The following INPP4B variants were observed in gnomAD, a reference collection of about 807,000 sequenced individuals.
INPP4B encodes inositol polyphosphate-4-phosphatase type II B.
INPP4B carries 55 observed loss-of-function variants against 122.5 expected under a neutral mutation model. That is an observed-to-expected ratio of 0.45 (90% CI 0.36 to 0.56). The LOEUF (loss-of-function observed/expected upper bound fraction) is 0.56, where lower values mean the gene tolerates loss of function less well. Ranked by LOEUF, INPP4B falls within the 20% of genes least tolerant of loss-of-function variation. INPP4B has a pLI of 0.00. For missense variants in INPP4B, 1,000 were observed against 1,097.7 expected (o/e 0.91, Z 1.26); for synonymous variants, 403 against 388.7 (o/e 1.04, Z -0.43).
In INPP4B at chr4:142,366,736, T is replaced by C. The variant is rs189018650; in HGVS notation, c.372+36202A>G. On this transcript the variant is annotated intron_variant, in intron 7 of 25. Coordinates refer to ENST00000262992, the MANE Select transcript of INPP4B (RefSeq NM_001101669.3). Reference sequence around the variant, plus strand: ...CTAGACCCAGAAATGCAAAAATAAATAAGACATAGTCAATAAGAAAGAAAG... The same window carrying C: ...CTAGACCCAGAAATGCAAAAATAAACAAGACATAGTCAATAAGAAAGAAAG... 3.6e-3 allele frequency among the ~76,000 whole-genome samples: 546 copies of C among 152,162 alleles called. 6 individuals carry two copies. The highest frequency in any genetic ancestry group is 0.013 in the African/African-American group (527 of 41,528).
intron 2 of INPP4B, among the ~76,000 whole-genome samples, chr4:142,696,450 G>A (rs1761039442): frequency 6.6e-6 from 1 of 152,122 alleles, no homozygotes. Context: ...AAACATCAGT[G>A]CAAGGCACTA....
intron 2 of INPP4B, among the ~76,000 whole-genome samples, chr4:142,643,182 G>T (rs905353168): frequency 6.6e-6 from 1 of 151,992 alleles, no homozygotes; most frequent in African/African-American, 2.4e-5. Context: ...AGATGATGGG[G>T]TTTTCTAAAT....
At chr4:142,391,517 G>A (rs944953372) in intron 7 of INPP4B, among the ~76,000 whole-genome samples, 15 of 152,142 alleles carry the variant, frequency 9.9e-5, no homozygotes, top group African/African-American at 2.9e-4. Flanking sequence ...AGCCGAGATC[G>A]TGCCACTGCA....
chr4:142,535,891 C>G (rs1327648226), intron 2 of INPP4B, among the ~76,000 whole-genome samples: 1 of 152,118 alleles, frequency 6.6e-6, no homozygotes, highest in East Asian at 1.9e-4. Flanking sequence ...CTTCAGTTCC[C>G]TCTAGAACAT....
intron 9 of INPP4B, among the ~76,000 whole-genome samples, chr4:142,276,377 T>C (rs1046581291): frequency 2.0e-5 from 3 of 151,916 alleles, no homozygotes; most frequent in African/African-American, 4.8e-5. Context: ...TCAAAGTTTA[T>C]GGACACTCAG....
intron 25 of INPP4B, among the ~76,000 whole-genome samples, chr4:142,078,412 C>A (rs1038943310): frequency 6.6e-6 from 1 of 151,946 alleles, no homozygotes; most frequent in African/African-American, 2.4e-5. Flanking sequence ...TGCACAATAC[C>A]ACCAAATACA....
intron 9 of INPP4B, among the ~76,000 whole-genome samples, chr4:142,279,995 A>G (rs1212159175): frequency 6.6e-6 from 1 of 151,996 alleles, no homozygotes; most frequent in East Asian, 1.9e-4. Flanking sequence ...AGCACATCCA[A>G]AGATGTTGAA....
chr4:142,244,778 G>T (rs1043777495), intron 11 of INPP4B, among the ~76,000 whole-genome samples: 2 of 152,118 alleles, frequency 1.3e-5, no homozygotes, highest in Admixed American at 1.3e-4. Flanking sequence ...GGTATTTCTG[G>T]TTCTAGATCC....
At chr4:142,403,989 G>GA (rs1293205671) in intron 6 of INPP4B, among the ~76,000 whole-genome samples, 1 of 151,820 alleles carries the variant, frequency 6.6e-6, no homozygotes, top group Non-Finnish European at 1.5e-5. Flanking sequence ...TGAAAATTAA[G>GA]AAAAAATCAA....
Position 142,550,002 on chromosome 4 carries a change from C to A in INPP4B, c.-190-87276G>T, listed in dbSNP as rs116059336. 8.4e-3 allele frequency among the ~76,000 whole-genome samples: 1,271 copies of A among 152,200 alleles called. 14 individuals carry two copies. The highest frequency in any genetic ancestry group is 0.027 in the African/African-American group (1,138 of 41,530). On this transcript the variant is annotated intron_variant, in intron 2 of 25. Coordinates refer to ENST00000262992, the MANE Select transcript of INPP4B (RefSeq NM_001101669.3). ...ATTTTAAAAGCCAGGTGCATTTGAG[C>A]CTGTTCTAGCAGGTTGGTGAATTTT...
At chr4:142,652,821 C>G (rs1053325030) in intron 2 of INPP4B, among the ~76,000 whole-genome samples, 1 of 152,182 alleles carries the variant, frequency 6.6e-6, no homozygotes, top group African/African-American at 2.4e-5. Flanking sequence ...CCATCCCCAT[C>G]AAGCTACCAA....
intron 1 of INPP4B, among the ~76,000 whole-genome samples, chr4:142,844,919 C>T (rs1561134207): frequency 6.6e-6 from 1 of 152,174 alleles, no homozygotes; most frequent in Non-Finnish European, 1.5e-5. Flanking sequence ...TAGGCTTTTA[C>T]TTACAGAGCC....
rs114335791 is a variant in INPP4B, at chr4:142,665,535, G to C, written c.-191+60304C>G. ...AGAAAGAAAGAAAGAAAAAGAAAAA[G>C]AAACTTATTCCAAAGAAATAATGAT... On this transcript the variant is annotated intron_variant, in intron 2 of 25. Coordinates refer to ENST00000262992, the MANE Select transcript of INPP4B (RefSeq NM_001101669.3). Among the ~76,000 whole-genome samples, 1,456 of 147,186 alleles carry C rather than the reference G, an allele frequency of 9.9e-3. 21 individuals carry two copies. Among genetic ancestry groups the C allele is most frequent in the African/African-American group, 0.034 (1,392 of 40,356 alleles).
Position 142,069,297 on chromosome 4 carries a change from A to G in INPP4B, c.2642+12734T>C, listed in dbSNP as rs545848675. ...CTTTGAAACCAATGAGAACAAACAC[A>G]CAACATACCAGAATCTCTGGGACAC... On this transcript the variant is annotated intron_variant, in intron 25 of 25. Transcript: ENST00000262992. Among the ~76,000 whole-genome samples, 80 of 152,326 alleles carry G rather than the reference A, an allele frequency of 5.3e-4. 1 individual carries two copies. Among genetic ancestry groups the G allele is most frequent in the African/African-American group, 1.9e-3 (77 of 41,564 alleles).
chr4:142,024,721 T>C lies in INPP4B; in HGVS notation c.*4061A>G, dbSNP rs1345627010. The C allele has an allele frequency of 6.6e-6, 1 of 152,184 alleles. No homozygotes were observed. The highest frequency in any genetic ancestry group is 1.5e-5 in the Non-Finnish European group (1 of 68,024). 9.4% of individuals were successfully genotyped at this position (152,184 alleles called of 1,614,324 possible). ...GAATCTGGGCACAGTAATATGTTAC[T>C]GTTTTTCCTACTTTTAGCAAATGCC... On this transcript the variant is annotated 3_prime_UTR_variant, in exon 26 of 26. Coordinates refer to ENST00000262992, the MANE Select transcript of INPP4B (RefSeq NM_001101669.3).
intron 11 of INPP4B, among the ~76,000 whole-genome samples, chr4:142,251,712 T>C (rs1006696840): frequency 3.9e-5 from 6 of 152,304 alleles, no homozygotes; most frequent in Non-Finnish European, 7.4e-5. Context: ...TATTGCTCAA[T>C]TAAATTGTAT....
rs1332397388 is a variant in INPP4B at position 142,333,025 on chromosome 4, AAAC to A, written c.373-18266_373-18264del. On this transcript the variant is annotated intron_variant, in intron 7 of 25. Transcript: ENST00000262992. ...GACTCCGTCTCAAAAAAAAAAAAAA[AAAC>A]AAAAAAAAAACCTTCTAAAACCGCA... 1.8e-3 allele frequency among the ~76,000 whole-genome samples: 277 copies of A among 150,692 alleles called. 3 individuals carry two copies. The highest frequency in any genetic ancestry group is 5.6e-3 in the African/African-American group (232 of 41,092).
At chr4:142,062,494 G>A (rs1008944128) in intron 25 of INPP4B, among the ~76,000 whole-genome samples, 1 of 152,164 alleles carries the variant, frequency 6.6e-6, no homozygotes, top group African/African-American at 2.4e-5. Context: ...GCAGCACTTT[G>A]GGAGGCTGAG....
chr4:142,046,189 G>A (rs1171672027), intron 25 of INPP4B, among the ~76,000 whole-genome samples: 2 of 152,100 alleles, frequency 1.3e-5, no homozygotes, highest in African/African-American at 2.4e-5. Flanking sequence ...AAGAAAAAGT[G>A]TTATTTATAG....
Sources: allele counts gnomAD v4.1 joint callset (sites outside exome capture counted in the v4.1 genomes callset), GRCh38; gene constraint gnomAD v4.1.1; transcripts MANE v1.5; gene names NCBI Gene and HGNC (gene_info 2026-07-23, HGNC 2026-07-21).